Variants in USP37 observed in about 807,000 individuals in gnomAD.
USP37 encodes the protein ubiquitin specific peptidase 37.
In USP37, 27 loss-of-function variants were observed where a neutral mutation model predicts 124.0. The ratio of observed to expected loss-of-function variants is 0.22; its 90% CI spans 0.16 to 0.30. USP37 has a LOEUF of 0.30. Ranked by LOEUF, USP37 falls within the 10% of genes least tolerant of loss-of-function variation. The probability of loss-of-function intolerance (pLI) is 1.00; values close to 1 mark genes in which losing one functional copy is unlikely to be tolerated. For missense variants in USP37, 889 were observed against 1,140.4 expected (o/e 0.78, Z 3.17); for synonymous variants, 365 against 388.0 (o/e 0.94, Z 0.70).
chr2:218,563,959 T>C (rs1693451970), intron 1 of USP37, among the ~76,000 whole-genome samples: 1 of 152,046 alleles, frequency 6.6e-6, no homozygotes, highest in Admixed American at 6.6e-5. Context: ...TAGTTCCAGC[T>C]ACTTGGAAGG....
At chr2:218,556,379 T>C (rs1175675858) in intron 4 of USP37, among the ~76,000 whole-genome samples, 2 of 152,122 alleles carry the variant, frequency 1.3e-5, no homozygotes, top group Non-Finnish European at 2.9e-5. Context: ...CTTTACTATG[T>C]TTGGCAAACT....
Position 218,498,030 on chromosome 2 carries a change from T to C in USP37, c.1153A>G (p.Ile385Val), listed in dbSNP as rs758279521. Residue 385 changes from isoleucine (I) to valine (V), a missense_variant, in exon 12 of 26, where the codon ATC becomes GTC. Ile to Val is a conservative substitution (Grantham distance 29). Transcript: ENST00000258399. ...PWKKIPLNAL[I>V]RRFAHLLVKK... The stretch of plus-strand genomic sequence containing the variant: ...AGTACAGTACATAATGATTACCTGA[T>C]AAGTGCATTGAGTGGAATTTTCTTC... The C allele has an allele frequency of 4.4e-6, 7 of 1,604,978 alleles. No individual in the cohort carries two copies. Among genetic ancestry groups the C allele is most frequent in the Non-Finnish European group, 5.9e-6 (7 of 1,176,962 alleles).
chr2:218,490,165 C>T (rs1691851086), intron 14 of USP37, among the ~76,000 whole-genome samples: 1 of 152,124 alleles, frequency 6.6e-6, no homozygotes, highest in African/African-American at 2.4e-5. Flanking sequence ...TCCTGGCTAA[C>T]ACGGTGAAAC....
intron 4 of USP37, among the ~76,000 whole-genome samples, chr2:218,557,758 C>T (rs1437463823): frequency 1.4e-5 from 2 of 140,820 alleles, no homozygotes; most frequent in African/African-American, 5.3e-5. Flanking sequence ...GAAACCCTGT[C>T]TCTACTAAAA....
chr2:218,557,958 A>AAAAAGGT (rs1693117497), intron 4 of USP37, among the ~76,000 whole-genome samples: 1 of 149,424 alleles, frequency 6.7e-6, no homozygotes, highest in African/African-American at 2.5e-5. Context: ...AAAGGTGAAA[A>AAAAAGGT]GAAAATTAAT....
chr2:218,510,938 T>C (rs2106003695), intron 10 of USP37, among the ~76,000 whole-genome samples: 1 of 152,058 alleles, frequency 6.6e-6, no homozygotes, highest in Non-Finnish European at 1.5e-5. Flanking sequence ...GAGGTTGCAA[T>C]GAGCGCAGAT....
intron 16 of USP37, among the ~76,000 whole-genome samples, chr2:218,483,389 G>T (rs1691367669): frequency 6.6e-6 from 1 of 152,020 alleles, no homozygotes; most frequent in Admixed American, 6.6e-5. Context: ...TTTGATAATG[G>T]CATCAGGCTC....
At chr2:218,519,941 A>T (rs1468595299) in intron 10 of USP37, among the ~76,000 whole-genome samples, 1 of 150,602 alleles carries the variant, frequency 6.6e-6, no homozygotes, top group Non-Finnish European at 1.5e-5. Flanking sequence ...TTCCTGCATT[A>T]TTTTTTTCCT....
At chr2:218,456,871 G>C (rs906369459) in intron 24 of USP37, among the ~76,000 whole-genome samples, 2 of 152,054 alleles carry the variant, frequency 1.3e-5, no homozygotes, top group African/African-American at 2.4e-5. Context: ...TTGGGAGGCT[G>C]AGACAGCAGA....
chr2:218,517,068 C>T (rs929947436), intron 10 of USP37, among the ~76,000 whole-genome samples: 2 of 152,166 alleles, frequency 1.3e-5, no homozygotes, highest in African/African-American at 4.8e-5. Flanking sequence ...CCCTACACCC[C>T]TGTGAGAAAC....
chr2:218,496,012 G>A (rs1200559004), intron 13 of USP37, 62 bp from the exon 14 acceptor site: 3 of 1,513,720 alleles, frequency 2.0e-6, no homozygotes, highest in Non-Finnish European at 2.7e-6. Context: ...AGCTTACTGA[G>A]GCTGGGTGTT....
At chr2:218,474,546 CGTTATTTGGAG>C (rs1559169949) in intron 20 of USP37, 73 bp downstream of exon 20, 9 of 1,543,598 alleles carry the variant, frequency 5.8e-6, no homozygotes, top group Non-Finnish European at 8.7e-7. Flanking sequence ...ATTTATCTCC[CGTTATTTGGAG>C]GTTATTTGTC....
At chr2:218,519,524 T>C (rs1213675184) in intron 10 of USP37, among the ~76,000 whole-genome samples, 1 of 152,150 alleles carries the variant, frequency 6.6e-6, no homozygotes, top group Non-Finnish European at 1.5e-5. Context: ...AAGCACTGCT[T>C]GGTCTTTCAG....
chr2:218,510,257 A>G (rs1689900876), intron 10 of USP37, 117 bp from the exon 11 acceptor site: 1 of 1,066,288 alleles, frequency 9.4e-7, no homozygotes, highest in Non-Finnish European at 1.3e-6. Context: ...TTAGGGAAAT[A>G]TCAGTAATAA....
chr2:218,556,174 T>G (rs1308332954), intron 4 of USP37, among the ~76,000 whole-genome samples: 2 of 152,236 alleles, frequency 1.3e-5, no homozygotes, highest in Non-Finnish European at 2.9e-5. Context: ...CTCTTCAGCC[T>G]TATTTCTGTT....
At chr2:218,556,636 C>T (rs1218021728) in intron 4 of USP37, among the ~76,000 whole-genome samples, 1 of 149,684 alleles carries the variant, frequency 6.7e-6, no homozygotes, top group African/African-American at 2.4e-5. Context: ...GCTTCAGCCT[C>T]CCGAGTAGCT....
At chr2:218,487,428 C>A (rs1691636501) in intron 15 of USP37, among the ~76,000 whole-genome samples, 1 of 148,290 alleles carries the variant, frequency 6.7e-6, no homozygotes, top group East Asian at 1.9e-4. Context: ...TAACAAACTA[C>A]TTTTTTTTTT....
chr2:218,455,857 C>T, intron 24 of USP37, 139 bp from the exon 25 acceptor site: 1 of 864,954 alleles, frequency 1.2e-6, no homozygotes, highest in Non-Finnish European at 1.7e-6. Context: ...ACCAGCCTCA[C>T]CAACATGGTG....
At chr2:218,463,425 A>G in intron 21 of USP37, 59 bp from the exon 22 acceptor site, 1 of 1,489,424 alleles carries the variant, frequency 6.7e-7, no homozygotes, top group South Asian at 1.1e-5. Flanking sequence ...AACTTACTTA[A>G]TGAGGATAAA....
Sources: gnomAD v4.1 joint callset for allele counts (sites outside exome capture counted in the v4.1 genomes callset) on GRCh38, gnomAD v4.1.1 for gene constraint, MANE v1.5 for transcripts, NCBI Gene and HGNC (gene_info 2026-07-23, HGNC 2026-07-21) for gene names.